MFSD8: variants seen among roughly 807,000 people sequenced by gnomAD.
The protein encoded by MFSD8 is major facilitator superfamily domain-containing protein 8.
Under a neutral mutation model 66.4 loss-of-function variants are expected in MFSD8, and 55 were observed. The observed-to-expected ratio is 0.83, with a 90% CI of 0.67 to 1.04. The LOEUF is 1.04. Among genes scored for constraint, MFSD8 ranks in the 50% least tolerant of loss-of-function variants. MFSD8 has a pLI of 0.00. For missense variants in MFSD8, 550 were observed against 627.6 expected (o/e 0.88, Z 1.32); for synonymous variants, 202 against 212.8 (o/e 0.95, Z 0.44).
chr4:127,944,036 A>G, intron 3 of MFSD8, 44 bp from the exon 4 acceptor site: 1 of 1,613,296 alleles, frequency 6.2e-7, no homozygotes, highest in South Asian at 1.1e-5. Flanking sequence ...TATCCAAGAA[A>G]AGTTTAAAAC....
In MFSD8 at chr4:127,929,322, C is replaced by CAAA. The variant is rs543453360; in HGVS notation, c.998+1358_998+1360dup. ...TGGGCAACAGAGCGAGACTCCGTCA[C>CAAA]AAAAAAAAAAAAAAAAAAAAAAAAA... On this transcript the variant is annotated intron_variant, in intron 9 of 11. Transcript: ENST00000641686. 4.8e-3 allele frequency among the ~76,000 whole-genome samples: 146 copies of CAAA among 30,358 alleles called. 24 individuals carry two copies. The highest frequency in any genetic ancestry group is 0.01 in the African/African-American group (56 of 5,404). The allele number at this position is 30,358 out of a possible 152,430, so 19.9% of individuals were successfully genotyped here.
intron 7 of MFSD8, among the ~76,000 whole-genome samples, chr4:127,934,229 C>A (rs1010044329): frequency 2.0e-4 from 30 of 152,040 alleles, no homozygotes; most frequent in African/African-American, 7.2e-4. Context: ...GTGACAGAGA[C>A]CCTGTCTCAA....
At chr4:127,940,121 T>C in intron 5 of MFSD8, 124 bp from the exon 6 acceptor site, 1 of 942,928 alleles carries the variant, frequency 1.1e-6, no homozygotes, top group African/African-American at 1.7e-5. Context: ...TATCATGCAT[T>C]CTCAACAGAT....
At chr4:127,924,777 T>C (rs1318816060) in intron 9 of MFSD8, among the ~76,000 whole-genome samples, 1 of 152,180 alleles carries the variant, frequency 6.6e-6, no homozygotes, top group Non-Finnish European at 1.5e-5. Flanking sequence ...AGAGCCCATA[T>C]AGCCAAGACA....
At chr4:127,953,543 G>GTTTTTTTTT (rs952826538) in intron 2 of MFSD8, among the ~76,000 whole-genome samples, 1 of 67,032 alleles carries the variant, frequency 1.5e-5, no homozygotes, top group Non-Finnish European at 2.9e-5. Flanking sequence ...AAGGCATTCT[G>GTTTTTTTTT]TTTTTTTTTT....
At position 127,921,641 on chromosome 4, in the gene MFSD8, G is replaced by C. The variant is rs1478473457; in HGVS notation, c.1233C>G (p.Thr411=). The C allele has an allele frequency of 6.2e-7, 1 of 1,614,108 alleles. No individual in the cohort carries two copies. Among genetic ancestry groups the C allele is most frequent in the Admixed American group, 1.7e-5 (1 of 60,014 alleles). ...CSIEQAWCLY[T]PVIHLAQFLT... ...GGAACTGGGCCAGATGAATCACCGGGGTGTAGAGGCACCAGGCTTGTTCAA... is the reference window on the plus strand; with the variant it reads ...GGAACTGGGCCAGATGAATCACCGGCGTGTAGAGGCACCAGGCTTGTTCAA... Residue 411 remains threonine, a synonymous_variant, in exon 11 of 12, where the codon ACC becomes ACG. Transcript: ENST00000641686.
intron 2 of MFSD8, among the ~76,000 whole-genome samples, chr4:127,950,991 C>T (rs1560765900): frequency 2.8e-5 from 4 of 142,720 alleles, no homozygotes; most frequent in Admixed American, 7.1e-5. Context: ...AACACGGAGG[C>T]GGAGGTTGTA....
chr4:127,944,253 C>A (rs1445871961), intron 3 of MFSD8, among the ~76,000 whole-genome samples: 2 of 152,100 alleles, frequency 1.3e-5, no homozygotes, highest in African/African-American at 2.4e-5. Context: ...TTCATATAAA[C>A]CTTGGTAAGA....
At chr4:127,962,320 AGCCG>A (rs1743922862) in intron 1 of MFSD8, among the ~76,000 whole-genome samples, 1 of 152,026 alleles carries the variant, frequency 6.6e-6, no homozygotes, top group African/African-American at 2.4e-5. Context: ...TACAAAAATT[AGCCG>A]TGTCTGGTGG....
chr4:127,938,588 AAAAAAAATAAATAAAT>A (rs1419219860), intron 7 of MFSD8, among the ~76,000 whole-genome samples, 179 bp downstream of exon 7: 4 of 136,790 alleles, frequency 2.9e-5, no homozygotes, highest in Admixed American at 7.2e-5. Context: ...GTCTCAAAAA[AAAAAAAATAAATAAAT>A]AAATAAATAA....
At chr4:127,949,712 G>C in intron 3 of MFSD8, 92 bp downstream of exon 3, 6 of 1,048,608 alleles carry the variant, frequency 5.7e-6, no homozygotes, top group South Asian at 5.7e-5. Context: ...TTAAACCATA[G>C]AATACCAAAG....
At chr4:127,964,189 A>C (rs1579035354) in intron 1 of MFSD8, among the ~76,000 whole-genome samples, 1 of 152,166 alleles carries the variant, frequency 6.6e-6, no homozygotes, top group African/African-American at 2.4e-5. Flanking sequence ...TGGATCCCGC[A>C]CCGGGGCTGC....
chr4:127,921,703 T>A lies in MFSD8; in HGVS notation c.1171A>T (p.Met391Leu), dbSNP rs763226224. 3 of 1,614,196 alleles carry A rather than the reference T, an allele frequency of 1.9e-6. No individual in the cohort carries two copies. Among genetic ancestry groups the A allele is most frequent in the Non-Finnish European group, 2.5e-6 (3 of 1,180,026 alleles). ...EIIIGLWKSP[M>L]EDDNERPTGC... The stretch of plus-strand genomic sequence containing the variant: ...GTTGGTCTTTCATTGTCATCTTCCA[T>A]TGGAGACTTCCAAAGACCAATAATA... The change falls in exon 11 of 12, where the codon ATG becomes TTG. Residue 391 changes from methionine (M) to leucine (L), a missense_variant. Physicochemically the swap from Met to Leu is conservative, Grantham distance 15. Transcript: ENST00000641686.
chr4:127,928,146 G>C (rs927218491), intron 9 of MFSD8, among the ~76,000 whole-genome samples: 2 of 152,132 alleles, frequency 1.3e-5, no homozygotes, highest in Non-Finnish European at 2.9e-5. Context: ...CCACCTCCCA[G>C]GTTGAAGCGA....
chr4:127,943,972 T>C lies in MFSD8; in HGVS notation c.219A>G (p.Thr73=), dbSNP rs143654391. ...YLQKIDPTAD[T]SFLGWVIASY... is the part of the protein sequence containing the mutation. The stretch of plus-strand genomic sequence containing the variant: ...AAGCAATAACCCAGCCCAAAAAACT[T>C]GTATCAGCTGTCGGATCAATCTGCA... Residue 73 remains threonine, a synonymous_variant, in exon 4 of 12, where the codon ACA becomes ACG. Coordinates refer to ENST00000641686, the MANE Select transcript of MFSD8 (RefSeq NM_001371596.2). 22 of 1,614,096 alleles carry C rather than the reference T, an allele frequency of 1.4e-5. No individual in the cohort carries two copies. Among genetic ancestry groups the C allele is most frequent in the Non-Finnish European group, 1.7e-5 (20 of 1,180,044 alleles).
At position 127,952,336 on chromosome 4, in the gene MFSD8, G is replaced by A. The variant is rs182076323; in HGVS notation, c.155-2489C>T. On this transcript the variant is annotated intron_variant, in intron 2 of 11. Transcript: ENST00000641686. ...GGAGAATGGCGAGAACCCGGGAGGC[G>A]AAGCTTGCAGTGAGCAGAGATTGCG... Among the ~76,000 whole-genome samples, 452 of 151,180 alleles carry A rather than the reference G, an allele frequency of 3.0e-3. 4 individuals carry two copies. The highest frequency in any genetic ancestry group is 0.011 in the African/African-American group (433 of 41,210).
chr4:127,946,558 T>C (rs1741064496), intron 3 of MFSD8, among the ~76,000 whole-genome samples: 1 of 152,210 alleles, frequency 6.6e-6, no homozygotes, highest in Non-Finnish European at 1.5e-5. Context: ...AAAATTTGTA[T>C]TTCTTTTCTT....
rs1451440293 is a variant in MFSD8 at position 127,920,211 on chromosome 4, G to A, written c.*419C>T. ...TCTGAATAAAAATACCTCTACTTGG[G>A]TAGAGGTATTTAAAATTCTATAATT... On this transcript the variant is annotated 3_prime_UTR_variant, in exon 12 of 12. Transcript: ENST00000641686. 2 of 165,028 alleles carry A rather than the reference G, an allele frequency of 1.2e-5. No homozygotes were observed. Among genetic ancestry groups the A allele is most frequent in the Non-Finnish European group, 2.6e-5 (2 of 75,726 alleles). The allele number at this position is 165,028 out of a possible 1,614,324, so 10.2% of individuals were successfully genotyped here.
intron 1 of MFSD8, among the ~76,000 whole-genome samples, chr4:127,960,795 C>G (rs1173236987): frequency 6.6e-6 from 1 of 152,084 alleles, no homozygotes; most frequent in Non-Finnish European, 1.5e-5. Context: ...ACAGAAAACA[C>G]CAACTCTGAA....
Sources: gnomAD v4.1 joint callset for allele counts (sites outside exome capture counted in the v4.1 genomes callset) on GRCh38, gnomAD v4.1.1 for gene constraint, MANE v1.5 for transcripts, NCBI Gene and HGNC (gene_info 2026-07-23, HGNC 2026-07-21) for gene names.